Variants in CACNB2 observed in about 807,000 individuals in gnomAD.
CACNB2 encodes the protein voltage-dependent L-type calcium channel subunit beta-2.
A neutral mutation model predicts 73.3 loss-of-function variants in CACNB2; 42 were observed. That is an observed-to-expected ratio of 0.57 (90% CI 0.45 to 0.74). CACNB2 has a LOEUF of 0.74. Ranked by LOEUF, CACNB2 falls within the 30% of genes least tolerant of loss-of-function variation. The pLI is 0.00. For synonymous variants in CACNB2, 348 were observed against 310.3 expected (o/e 1.12, Z -1.28); for missense variants, 940 against 853.0 (o/e 1.10, Z -1.27).
chr10:18,487,382 G>C (rs191414825), intron 3 of CACNB2, among the ~76,000 whole-genome samples: 16 of 152,294 alleles, frequency 1.1e-4, no homozygotes, highest in African/African-American at 3.1e-4. Context: ...TATGGGGGCT[G>C]TGTTTCATTA....
At chr10:18,338,675 C>CTCCT (rs753610343) in intron 2 of CACNB2, among the ~76,000 whole-genome samples, 157 of 134,226 alleles carry the variant, frequency 1.2e-3, no homozygotes, top group East Asian at 4.2e-3. Flanking sequence ...TTTTTTCTCT[C>CTCCT]TCCTTCCTTC....
chr10:18,466,388 C>T (rs2132714897), intron 3 of CACNB2, among the ~76,000 whole-genome samples: 1 of 152,130 alleles, frequency 6.6e-6, no homozygotes, highest in Admixed American at 6.5e-5. Context: ...GGTCCCAGCA[C>T]ACCACCATGC....
chr10:18,425,579 G>T (rs11014187), intron 3 of CACNB2, among the ~76,000 whole-genome samples: 10 of 152,160 alleles, frequency 6.6e-5, no homozygotes, highest in African/African-American at 1.4e-4. Flanking sequence ...GAGTTGGGGG[G>T]GTTGCTTGAG....
intron 3 of CACNB2, among the ~76,000 whole-genome samples, chr10:18,473,671 TATCA>T (rs2048301003): frequency 6.6e-6 from 1 of 152,208 alleles, no homozygotes; most frequent in Admixed American, 6.5e-5. Flanking sequence ...TGCCTTCTCT[TATCA>T]GTCACCCGGA....
intron 2 of CACNB2, among the ~76,000 whole-genome samples, chr10:18,181,065 G>GAAAAAAAAAA (rs34924301): frequency 8.5e-6 from 1 of 117,886 alleles, no homozygotes; most frequent in African/African-American, 3.1e-5. Context: ...AGCCAAAATA[G>GAAAAAAAAAA]AAAAAAAAAA....
intron 2 of CACNB2, among the ~76,000 whole-genome samples, chr10:18,251,973 A>G (rs1191573786): frequency 6.6e-6 from 1 of 152,202 alleles, no homozygotes; most frequent in Non-Finnish European, 1.5e-5. Context: ...TCACCCAGGG[A>G]TAAAGAGTAA....
intron 3 of CACNB2, among the ~76,000 whole-genome samples, chr10:18,402,300 C>T (rs1002233310): frequency 6.7e-6 from 1 of 148,850 alleles, no homozygotes; most frequent in Admixed American, 6.8e-5. Context: ...TGGACACATA[C>T]AAAAGGATCC....
At chr10:18,499,617 GA>G (rs59492615) in intron 4 of CACNB2, among the ~76,000 whole-genome samples, 9,862 of 99,344 alleles carry the variant, frequency 0.099, 663 homozygotes, top group Non-Finnish European at 0.14. Context: ...CTGTCTCAAA[GA>G]AAAAAAAAAA....
intron 2 of CACNB2, among the ~76,000 whole-genome samples, chr10:18,204,373 T>TA (rs1437749320): frequency 6.6e-6 from 1 of 152,246 alleles, no homozygotes; most frequent in African/African-American, 2.4e-5. Context: ...CACCCGTTAC[T>TA]AAGTAGAATA....
intron 9 of CACNB2, among the ~76,000 whole-genome samples, chr10:18,520,230 C>G (rs1253891150): frequency 6.6e-6 from 1 of 152,314 alleles, no homozygotes; most frequent in East Asian, 1.9e-4. Context: ...CCAAAACTTA[C>G]TCCTCCCATG....
intron 2 of CACNB2, among the ~76,000 whole-genome samples, chr10:18,321,411 A>G (rs2040392309): frequency 6.6e-6 from 1 of 152,234 alleles, no homozygotes; most frequent in South Asian, 2.1e-4. Context: ...ATGACAAATT[A>G]GTGATTGACA....
intron 3 of CACNB2, among the ~76,000 whole-genome samples, chr10:18,480,023 A>G (rs1002462311): frequency 7.9e-5 from 12 of 152,204 alleles, no homozygotes; most frequent in African/African-American, 2.9e-4. Context: ...GCTGTTTGCT[A>G]AAACTAATTT....
In CACNB2 at chr10:18,447,064, A is replaced by T. The variant is rs541364825; in HGVS notation, c.333+45021A>T. ...GACAGAGCAAGGCTCTGTCTCAAAA[A>T]AAAAAAATAAATAAATAAAAAGTTG... On this transcript the variant is annotated intron_variant, in intron 3 of 13. Transcript: ENST00000324631. Among the ~76,000 whole-genome samples, 148 of 152,208 alleles carry T rather than the reference A, an allele frequency of 9.7e-4. 1 individual carries two copies. The highest frequency in any genetic ancestry group is 3.2e-3 in the African/African-American group (132 of 41,532).
rs4644567 is a variant in CACNB2 at position 18,457,746 on chromosome 10, T to G, written c.334-40609T>G. 2.6e-5 allele frequency among the ~76,000 whole-genome samples: 4 copies of G among 152,154 alleles called. No individual in the cohort carries two copies. The South Asian group carries it at 6.2e-4, about 24-fold the overall frequency. On this transcript the variant is annotated intron_variant, in intron 3 of 13. Coordinates refer to ENST00000324631, the MANE Select transcript of CACNB2 (RefSeq NM_201596.3). ...TCTCTACTGAAAATACAAAATTAGT[T>G]GGGCATGGTGGCACATGCCTGAAAT... is the stretch of plus-strand genomic sequence containing the variant.
chr10:18,163,321 T>C (rs747989237), intron 2 of CACNB2, among the ~76,000 whole-genome samples: 1 of 147,882 alleles, frequency 6.8e-6, no homozygotes, highest in Non-Finnish European at 1.5e-5. Flanking sequence ...CTTATAAATA[T>C]GTAGTATTTA....
chr10:18,337,550 A>T (rs1379094704), intron 2 of CACNB2, among the ~76,000 whole-genome samples: 1 of 152,184 alleles, frequency 6.6e-6, no homozygotes, highest in East Asian at 1.9e-4. Flanking sequence ...TTTATTTATT[A>T]TAAATTATTT....
chr10:18,147,344 C>T (rs2031087901), intron 1 of CACNB2, among the ~76,000 whole-genome samples: 1 of 151,670 alleles, frequency 6.6e-6, no homozygotes, highest in Non-Finnish European at 1.5e-5. Context: ...GAAATCTTAG[C>T]TTGATGTTTT....
At chr10:18,538,025 T>TAACTAAATA (rs1226824034) in intron 12 of CACNB2, among the ~76,000 whole-genome samples, 155 bp from the exon 13 acceptor site, 1 of 152,130 alleles carries the variant, frequency 6.6e-6, no homozygotes, top group Admixed American at 6.6e-5. Flanking sequence ...AGACACTTCC[T>TAACTAAATA]AACTAAATAA....
intron 2 of CACNB2, among the ~76,000 whole-genome samples, chr10:18,344,019 C>T (rs1047155451): frequency 1.4e-5 from 2 of 146,108 alleles, no homozygotes; most frequent in Admixed American, 7.0e-5. Flanking sequence ...AATTTTGGGT[C>T]GATTATTTTT....
Sources: gnomAD v4.1 joint callset for allele counts (sites outside exome capture counted in the v4.1 genomes callset) on GRCh38, gnomAD v4.1.1 for gene constraint, MANE v1.5 for transcripts, NCBI Gene and HGNC (gene_info 2026-07-23, HGNC 2026-07-21) for gene names.